FBN1: variants seen among roughly 807,000 people sequenced by gnomAD.
FBN1 encodes fibrillin 1.
In FBN1, 29 loss-of-function variants were observed where a neutral mutation model predicts 365.1. The ratio of observed to expected loss-of-function variants is 0.08; its 90% CI spans 0.06 to 0.11. FBN1 has a LOEUF of 0.11. FBN1 is among the 10% of genes least tolerant of loss of function. FBN1 has a pLI of 1.00. For missense variants in FBN1, 2,476 were observed against 3,703.2 expected (o/e 0.67, Z 8.60); for synonymous variants, 1,210 against 1,270.5 (o/e 0.95, Z 1.01).
intron 32 of FBN1, among the ~76,000 whole-genome samples, chr15:48,475,852 A>C (rs956285568): frequency 6.6e-6 from 1 of 152,224 alleles, no homozygotes; most frequent in Non-Finnish European, 1.5e-5. Context: ...GCAAACACAA[A>C]ATGAAATAAG....
intron 36 of FBN1, among the ~76,000 whole-genome samples, chr15:48,469,363 T>C (rs1401216829): frequency 6.6e-6 from 1 of 152,074 alleles, no homozygotes; most frequent in African/African-American, 2.4e-5. Flanking sequence ...GCGTGAGGCT[T>C]AGTGTGTTCC....
intron 7 of FBN1, among the ~76,000 whole-genome samples, chr15:48,534,928 A>G (rs1288315058): frequency 6.6e-6 from 1 of 152,182 alleles, no homozygotes; most frequent in East Asian, 1.9e-4. Flanking sequence ...TCCCCAGCTC[A>G]ACGTGCAAGT....
chr15:48,435,754 G>C (rs28461388), intron 53 of FBN1, among the ~76,000 whole-genome samples: 1 of 20,212 alleles, frequency 4.9e-5, no homozygotes, highest in African/African-American at 1.1e-4. Context: ...ATATATATGT[G>C]TGTATATATA....
At chr15:48,634,314 G>A (rs182373081) in intron 2 of FBN1, among the ~76,000 whole-genome samples, 10 of 152,256 alleles carry the variant, frequency 6.6e-5, no homozygotes, top group African/African-American at 2.4e-4. Context: ...GTTTTCATAC[G>A]AATCTTTTCT....
At position 48,460,309 on chromosome 15, in the gene FBN1, C is replaced by T. The variant is rs1217819225; in HGVS notation, c.5233G>A (p.Ala1745Thr). The T allele has an allele frequency of 6.2e-7, 1 of 1,611,324 alleles. No homozygotes were observed. Among genetic ancestry groups the T allele is most frequent in the African/African-American group, 1.3e-5 (1 of 74,838 alleles). The change falls in exon 43 of 66, where the codon GCT becomes ACT. Residue 1745 changes from alanine (A) to threonine (T), a missense_variant. By Grantham distance (58) the Ala-to-Thr change is moderately conservative. This residue lies in a region of FBN1 where 1,780 missense variants were observed against 2,840.8 expected (regional missense o/e 0.63). Transcript: ENST00000316623. ...GGCCTTTGACTTCCACAGAGTGTAGCAAACTCATCTGCAATGATTAAACAA... is the reference window on the plus strand; with the variant it reads ...GGCCTTTGACTTCCACAGAGTGTAGTAAACTCATCTGCAATGATTAAACAA... The part of the protein sequence containing the change: ...QCPIPSTDEF[A>T]TLCGSQRPGF...
intron 23 of FBN1, among the ~76,000 whole-genome samples, chr15:48,493,706 G>A (rs1415678302): frequency 6.6e-6 from 1 of 152,168 alleles, no homozygotes; most frequent in Non-Finnish European, 1.5e-5. Context: ...GCTGTGTCAT[G>A]TCAGGTTGTG....
rs140132723 is a variant in FBN1 at position 48,620,268 on chromosome 15, T to C, written c.165-7176A>G. ...TGAAGAGATGACGATGTATGTAATGTTACACATCATTGAGGGTTTGGGAAA... is the reference window on the plus strand; with the variant it reads ...TGAAGAGATGACGATGTATGTAATGCTACACATCATTGAGGGTTTGGGAAA... On this transcript the variant is annotated intron_variant, in intron 2 of 65. Coordinates refer to ENST00000316623, the MANE Select transcript of FBN1 (RefSeq NM_000138.5). 1.2e-3 allele frequency among the ~76,000 whole-genome samples: 183 copies of C among 152,298 alleles called. 3 individuals carry two copies. Among genetic ancestry groups the C allele is most frequent in the Admixed American group, 9.9e-3 (151 of 15,306 alleles).
rs2043541132 is a variant in FBN1, at chr15:48,489,840, T to C, written c.3082+11A>G. On this transcript the variant is annotated intron_variant, in intron 25 of 65. Transcript: ENST00000316623. ...GGGAGGCAATTGGCCATGGAAAACG[T>C]AACATTGTACCTTTGAAGAAAGGCT... 6.2e-7 allele frequency: 1 copy of C among 1,612,240 alleles called. No individual in the cohort carries two copies. Among genetic ancestry groups the C allele is most frequent in the Non-Finnish European group, 8.5e-7 (1 of 1,178,494 alleles).
At chr15:48,441,260 T>C (rs1349805647) in intron 50 of FBN1, among the ~76,000 whole-genome samples, 1 of 152,202 alleles carries the variant, frequency 6.6e-6, no homozygotes, top group Non-Finnish European at 1.5e-5. Flanking sequence ...AATTTATTTT[T>C]GTTTTCTTGG....
chr15:48,550,423 C>G (rs1398722844), intron 6 of FBN1, among the ~76,000 whole-genome samples: 1 of 152,180 alleles, frequency 6.6e-6, no homozygotes, highest in Admixed American at 6.5e-5. Flanking sequence ...GTATCCCTCA[C>G]ACCCCCACCT....
chr15:48,538,470 G>A (rs1348328175), intron 6 of FBN1, among the ~76,000 whole-genome samples: 1 of 152,160 alleles, frequency 6.6e-6, no homozygotes, highest in Non-Finnish European at 1.5e-5. Flanking sequence ...ACACTGGTCT[G>A]AAATCATTGT....
intron 12 of FBN1, among the ~76,000 whole-genome samples, chr15:48,514,393 A>T (rs550793388): frequency 9.1e-4 from 139 of 152,312 alleles, no homozygotes; most frequent in African/African-American, 3.2e-3. Context: ...GATGACCTCT[A>T]GAAGGGGTGT....
At chr15:48,435,539 T>G (rs928485939) in intron 53 of FBN1, among the ~76,000 whole-genome samples, 7 of 151,802 alleles carry the variant, frequency 4.6e-5, no homozygotes, top group African/African-American at 1.7e-4. Flanking sequence ...TTCAAGTAGA[T>G]TGTGTTGATT....
At position 48,495,528 on chromosome 15, in the gene FBN1, G is replaced by C. The variant is rs375382957; in HGVS notation, c.2480C>G (p.Ser827Cys). The change falls in exon 21 of 66, where the codon TCT becomes TGT. Residue 827 changes from serine to cysteine, a missense_variant. By Grantham distance (112) the Ser-to-Cys change is moderately radical. Around this residue, in one of 5 missense-constraint regions of FBN1, gnomAD observed 1,780 missense variants for 2,840.8 expected, o/e 0.63. Coordinates refer to ENST00000316623, the MANE Select transcript of FBN1 (RefSeq NM_000138.5). ...INGVCKNSPG[S>C]FICECSSEST... ...TTCAGAAGAACATTCACAAATAAAA[G>C]AGCCTGGGCTGTTCTTGCAGACTCC... 2.5e-6 allele frequency: 4 copies of C among 1,614,010 alleles called. No homozygotes were observed. Among genetic ancestry groups the C allele is most frequent in the Non-Finnish European group, 3.4e-6 (4 of 1,179,970 alleles).
intron 10 of FBN1, among the ~76,000 whole-genome samples, chr15:48,520,073 A>C (rs1265653575): frequency 6.6e-6 from 1 of 152,210 alleles, no homozygotes; most frequent in Non-Finnish European, 1.5e-5. Context: ...TCCCCTAGAC[A>C]CAATTTTTTA....
intron 49 of FBN1, 59 bp downstream of exon 49, chr15:48,444,482 C>T: frequency 1.9e-6 from 3 of 1,603,068 alleles, no homozygotes; most frequent in Non-Finnish European, 2.6e-6. Context: ...AATTCTCATT[C>T]TGCTAAGTCC....
At chr15:48,612,688 G>A (rs2044666225) in intron 3 of FBN1, among the ~76,000 whole-genome samples, 1 of 152,076 alleles carries the variant, frequency 6.6e-6, no homozygotes, top group African/African-American at 2.4e-5. Flanking sequence ...GGCCAACAAA[G>A]TTAGAAATTA....
intron 35 of FBN1, among the ~76,000 whole-genome samples, 191 bp from the exon 36 acceptor site, chr15:48,470,947 T>G (rs995073521): frequency 2.0e-5 from 3 of 152,132 alleles, no homozygotes; most frequent in Admixed American, 1.3e-4. Context: ...AGAGGTTACT[T>G]TTCCTCAGTC....
chr15:48,440,177 G>A (rs550112125), intron 50 of FBN1, among the ~76,000 whole-genome samples: 1 of 152,188 alleles, frequency 6.6e-6, no homozygotes, highest in African/African-American at 2.4e-5. Context: ...CTGTTTACCA[G>A]TCCATCTGCA....
Sources: allele counts gnomAD v4.1 joint callset (sites outside exome capture counted in the v4.1 genomes callset), GRCh38; gene constraint gnomAD v4.1.1; regional missense constraint gnomAD v4.1.1; transcripts MANE v1.5; gene names NCBI Gene and HGNC (gene_info 2026-07-23, HGNC 2026-07-21).